The following LIN7A variants were observed in gnomAD, a reference collection of about 807,000 sequenced individuals.
LIN7A encodes the protein lin-7 cell polarity scaffold A, also known as protein lin-7 homolog A.
In LIN7A, 25 loss-of-function variants were observed where a neutral mutation model predicts 29.8. That is an observed-to-expected ratio of 0.84 (90% CI 0.61 to 1.17). The LOEUF (loss-of-function observed/expected upper bound fraction) is 1.17. Ranked by LOEUF, LIN7A falls within the 50% of genes most tolerant of loss-of-function variation. LIN7A has a pLI of 0.00. For missense variants in LIN7A, 239 were observed against 287.0 expected (o/e 0.83, Z 1.21); for synonymous variants, 118 against 107.5 (o/e 1.10, Z -0.60).
chr12:80,937,479 G>C (rs73345662), intron 1 of LIN7A, 162 bp downstream of exon 1: 1 of 432,698 alleles, frequency 2.3e-6, no homozygotes, highest in Middle Eastern at 6.0e-4. Flanking sequence ...AGAGAAAGGG[G>C]AAGAAAGTGT....
chr12:80,884,928 A>G (rs1215762805), intron 2 of LIN7A, among the ~76,000 whole-genome samples: 1 of 152,180 alleles, frequency 6.6e-6, no homozygotes, highest in Admixed American at 6.5e-5. Flanking sequence ...CAGGTCAATG[A>G]GCACATCATC....
At chr12:80,845,169 G>A (rs1209256900) in intron 4 of LIN7A, among the ~76,000 whole-genome samples, 5 of 150,990 alleles carry the variant, frequency 3.3e-5, no homozygotes, top group East Asian at 2.0e-4. Flanking sequence ...CCCGGGAGGC[G>A]GAGCTTGCAG....
In LIN7A at chr12:80,880,227, G is replaced by A. The variant is rs183485156; in HGVS notation, c.201+9024C>T. Reference sequence around the variant, plus strand: ...AGTTGTTTCCAGAGCCACCCTACTAGACCAGAAAATCTGAAATTGAAAGAC... The same window carrying A: ...AGTTGTTTCCAGAGCCACCCTACTAAACCAGAAAATCTGAAATTGAAAGAC... On this transcript the variant is annotated intron_variant, in intron 2 of 5. Coordinates refer to ENST00000552864, the MANE Select transcript of LIN7A (RefSeq NM_004664.4). Among the ~76,000 whole-genome samples the A allele has an allele frequency of 2.6e-5, 4 of 152,098 alleles. No individual in the cohort carries two copies. In the East Asian group the frequency reaches 7.8e-4, roughly 29 times the overall value.
At chr12:80,903,409 A>C (rs1463050100) in intron 1 of LIN7A, among the ~76,000 whole-genome samples, 1 of 151,994 alleles carries the variant, frequency 6.6e-6, no homozygotes, top group African/African-American at 2.4e-5. Context: ...CTCTATGTCC[A>C]TGGGTACACA....
At chr12:80,890,768 C>T (rs546393104) in intron 1 of LIN7A, among the ~76,000 whole-genome samples, 7 of 152,138 alleles carry the variant, frequency 4.6e-5, no homozygotes, top group South Asian at 4.2e-4. Flanking sequence ...CAGACACTTC[C>T]GTAATCAATA....
At chr12:80,848,866 GT>G (rs1592892325) in intron 2 of LIN7A, among the ~76,000 whole-genome samples, 2 of 152,110 alleles carry the variant, frequency 1.3e-5, no homozygotes, top group East Asian at 1.9e-4. Context: ...AGGTTGAAAG[GT>G]TTTTTTCTTC....
intron 1 of LIN7A, among the ~76,000 whole-genome samples, chr12:80,931,911 A>G (rs955468768): frequency 1.1e-4 from 16 of 152,226 alleles, no homozygotes; most frequent in African/African-American, 3.4e-4. Flanking sequence ...ACACCAGGGC[A>G]TACATCTTGA....
At chr12:80,865,731 A>T (rs1190086258) in intron 2 of LIN7A, among the ~76,000 whole-genome samples, 1 of 152,194 alleles carries the variant, frequency 6.6e-6, no homozygotes, top group Non-Finnish European at 1.5e-5. Flanking sequence ...GATTTAAGAC[A>T]TTGCTATGTG....
chr12:80,890,962 ATT>A (rs138373202), intron 1 of LIN7A, among the ~76,000 whole-genome samples: 1 of 151,664 alleles, frequency 6.6e-6, no homozygotes, highest in African/African-American at 2.4e-5. Flanking sequence ...CTCAGAGCTC[ATT>A]TTTTTTCCCC....
intron 2 of LIN7A, among the ~76,000 whole-genome samples, chr12:80,880,067 A>G (rs192925608): frequency 1.2e-4 from 19 of 152,318 alleles, no homozygotes; most frequent in African/African-American, 4.6e-4. Context: ...ATGTTTGTAG[A>G]TCTTCTCCAT....
At chr12:80,825,500 A>C (rs1245231515) in intron 4 of LIN7A, among the ~76,000 whole-genome samples, 1 of 152,238 alleles carries the variant, frequency 6.6e-6, no homozygotes, top group East Asian at 1.9e-4. Context: ...AACAAGGCCC[A>C]CACTTCAAAT....
intron 5 of LIN7A, among the ~76,000 whole-genome samples, chr12:80,804,653 C>G (rs1051648824): frequency 2.0e-5 from 3 of 151,932 alleles, no homozygotes; most frequent in African/African-American, 7.3e-5. Context: ...ATTCTTGTGC[C>G]TCAGACTCCA....
intron 2 of LIN7A, among the ~76,000 whole-genome samples, chr12:80,872,356 A>G (rs565950573): frequency 1.8e-4 from 28 of 152,240 alleles, no homozygotes; most frequent in African/African-American, 6.7e-4. Flanking sequence ...TTCTAAATGA[A>G]TCTCTTCCTC....
rs138879003 is a variant in LIN7A, at chr12:80,937,860, G to A, written c.-138C>T. On this transcript the variant is annotated 5_prime_UTR_variant, in exon 1 of 6. Transcript: ENST00000552864. ...GAAAGCTTGGGTGGGTTGGTAGCCA[G>A]ATGGAGACGCAACTGTTCCGCGGCG... is the stretch of plus-strand genomic sequence containing the variant. 1 of 587,994 alleles carries A rather than the reference G, an allele frequency of 1.7e-6. No individual in the cohort carries two copies. Among genetic ancestry groups the A allele is most frequent in the Admixed American group, 3.6e-5 (1 of 27,744 alleles). The allele number at this position is 587,994 out of a possible 1,614,324, so 36.4% of individuals were successfully genotyped here.
At position 80,795,622 on chromosome 12, in the gene LIN7A, T is replaced by A. The variant is rs1870409133; in HGVS notation, c.*2105A>T. 6.6e-6 allele frequency: 1 copy of A among 152,160 alleles called. No individual in the cohort carries two copies. Among genetic ancestry groups the A allele is most frequent in the South Asian group, 2.1e-4 (1 of 4,834 alleles). The allele number at this position is 152,160 out of a possible 1,614,324, so 9.4% of individuals were successfully genotyped here. ...ACTCACTCACCTTAAGCTCCAAATT[T>A]ATACAATGTATTGAAATGTGTTGAA... is the stretch of plus-strand genomic sequence containing the variant. On this transcript the variant is annotated 3_prime_UTR_variant, in exon 6 of 6. Coordinates refer to ENST00000552864, the MANE Select transcript of LIN7A (RefSeq NM_004664.4).
At chr12:80,877,231 G>A (rs1201727535) in intron 2 of LIN7A, among the ~76,000 whole-genome samples, 1 of 151,742 alleles carries the variant, frequency 6.6e-6, no homozygotes, top group Admixed American at 6.6e-5. Context: ...ACACATGTAT[G>A]TTAATAGTAG....
At position 80,792,977 on chromosome 12, in the gene LIN7A, T is replaced by A. The variant is rs1200541253; in HGVS notation, c.*4750A>T. 2.6e-5 allele frequency: 4 copies of A among 152,324 alleles called. 1 individual carries two copies. In the East Asian group the frequency reaches 7.7e-4, roughly 29 times the overall value. The allele number at this position is 152,324 out of a possible 1,614,324, so 9.4% of individuals were successfully genotyped here. On this transcript the variant is annotated 3_prime_UTR_variant, in exon 6 of 6. Transcript: ENST00000552864. ...TTTGTTTACCATGAATAATACTTTG[T>A]TAATATCTTTTGTATATTACTTTAC...
intron 1 of LIN7A, among the ~76,000 whole-genome samples, chr12:80,935,996 T>C (rs1296392935): frequency 1.3e-5 from 2 of 152,194 alleles, no homozygotes; most frequent in Admixed American, 6.5e-5. Context: ...GAGTTTTTGC[T>C]CCTAACATAG....
At chr12:80,922,210 C>A (rs547793472) in intron 1 of LIN7A, among the ~76,000 whole-genome samples, 1 of 152,272 alleles carries the variant, frequency 6.6e-6, no homozygotes, top group African/African-American at 2.4e-5. Context: ...TATAGCATTA[C>A]TTGGTCCACT....
Sources: allele counts gnomAD v4.1 joint callset (sites outside exome capture counted in the v4.1 genomes callset), GRCh38; gene constraint gnomAD v4.1.1; transcripts MANE v1.5; gene names NCBI Gene and HGNC (gene_info 2026-07-23, HGNC 2026-07-21).